Variants in EDN1 observed in about 807,000 individuals in gnomAD.
The protein encoded by EDN1 is endothelin 1.
In EDN1, 11 loss-of-function variants were observed where a neutral mutation model predicts 21.7. The ratio of observed to expected loss-of-function variants is 0.51; its 90% CI spans 0.32 to 0.84. The LOEUF (loss-of-function observed/expected upper bound fraction) is 0.84. Among genes scored for constraint, EDN1 ranks in the 40% least tolerant of loss-of-function variants. The probability of loss-of-function intolerance (pLI) is 0.03; values close to 1 mark genes in which losing one functional copy is unlikely to be tolerated. For missense variants in EDN1, 244 were observed against 262.3 expected, an observed-to-expected ratio of 0.93 and a Z score of 0.48; for synonymous variants, 85 against 90.6, an observed-to-expected ratio of 0.94 and a Z score of 0.35.
At chr6:12,233,819 C>G in the EDN1 span, among the ~76,000 whole-genome samples, 3 of 152,232 alleles carry the variant, frequency 2.0e-5, no homozygotes, top group African/African-American at 7.2e-5. Context: ...CAAGAACACC[C>G]TTCTTCCGCT....
At chr6:12,267,967 A>G in the EDN1 span, among the ~76,000 whole-genome samples, 1 of 152,226 alleles carries the variant, frequency 6.6e-6, no homozygotes, top group African/African-American at 2.4e-5. Flanking sequence ...ACATAAATGG[A>G]ACAACAAAGC....
chr6:12,287,710 TCTCACACACACACA>T (rs1404521448), upstream of EDN1, among the ~76,000 whole-genome samples: 1 of 67,420 alleles, frequency 1.5e-5, no homozygotes, highest in South Asian at 4.9e-4. Flanking sequence ...TCTCTCTCTC[TCTCACACACACACA>T]CACACACACA....
At chr6:12,255,493 G>C in the EDN1 span, among the ~76,000 whole-genome samples, 1 of 152,320 alleles carries the variant, frequency 6.6e-6, no homozygotes, top group East Asian at 1.9e-4. Context: ...TTAAAAGCAG[G>C]AACAAGACCA....
chr6:12,237,538 T>C, the EDN1 span, among the ~76,000 whole-genome samples: 1 of 152,140 alleles, frequency 6.6e-6, no homozygotes, highest in Non-Finnish European at 1.5e-5. Flanking sequence ...GTGAGGGACA[T>C]CAGTAAGCAA....
At chr6:12,266,721 G>A in the EDN1 span, among the ~76,000 whole-genome samples, 1 of 152,180 alleles carries the variant, frequency 6.6e-6, no homozygotes, top group Non-Finnish European at 1.5e-5. Flanking sequence ...CCAGCAAAGA[G>A]ATGTGTGGAA....
At chr6:12,253,727 C>G in the EDN1 span, among the ~76,000 whole-genome samples, 2 of 152,122 alleles carry the variant, frequency 1.3e-5, no homozygotes, top group Non-Finnish European at 2.9e-5. Context: ...TCAACACATT[C>G]AAAGTCCATC....
At chr6:12,236,634 C>T in the EDN1 span, among the ~76,000 whole-genome samples, 18 of 152,094 alleles carry the variant, frequency 1.2e-4, no homozygotes, top group Admixed American at 1.0e-3. Flanking sequence ...TTCATTTTTC[C>T]TAAAATATTT....
At position 12,290,637 on chromosome 6, in the gene EDN1, A is replaced by G; in HGVS notation, c.8A>G (p.Tyr3Cys). MD[Y>C]LLMIFSLLFV... ...TGATCCCTTTTTTTCAGAATGGATT[A>G]TTTGCTCATGATTTTCTCTCTGCTG... The change falls in exon 1 of 5, where the codon TAT becomes TGT. Residue 3 changes from tyrosine (Y) to cysteine (C), a missense_variant. Coordinates refer to ENST00000379375, the MANE Select transcript of EDN1 (RefSeq NM_001955.5). 1.2e-6 allele frequency: 2 copies of G among 1,613,988 alleles called. No individual in the cohort carries two copies. The highest frequency in any genetic ancestry group is 1.7e-6 in the Non-Finnish European group (2 of 1,179,980).
chr6:12,272,452 CTT>C, the EDN1 span, among the ~76,000 whole-genome samples: 29,281 of 104,800 alleles, frequency 0.28, 1,695 homozygotes, highest in Non-Finnish European at 0.33. Context: ...GAGTCATACT[CTT>C]TTTTTTTTTT....
chr6:12,233,364 G>A, the EDN1 span, among the ~76,000 whole-genome samples: 4 of 152,150 alleles, frequency 2.6e-5, no homozygotes, highest in African/African-American at 9.7e-5. Context: ...CAGAATTCTA[G>A]CATTAAAGAG....
chr6:12,271,301 G>A, the EDN1 span, among the ~76,000 whole-genome samples: 4 of 151,826 alleles, frequency 2.6e-5, no homozygotes, highest in Non-Finnish European at 5.9e-5. Flanking sequence ...GTGATTTTCT[G>A]TAGTAATAAA....
chr6:12,289,676 T>G (rs1333221673), upstream of EDN1, among the ~76,000 whole-genome samples: 3 of 152,190 alleles, frequency 2.0e-5, no homozygotes, highest in Admixed American at 6.5e-5. Flanking sequence ...GGGCTTCTCA[T>G]CAGTGATAGG....
chr6:12,294,450 A>G (rs573363002), intron 4 of EDN1, 46 bp downstream of exon 4: 1 of 1,610,722 alleles, frequency 6.2e-7, no homozygotes, highest in Non-Finnish European at 8.5e-7. Flanking sequence ...CACAAGAACA[A>G]CTAGCCCCAG....
the EDN1 span, among the ~76,000 whole-genome samples, chr6:12,278,785 T>A: frequency 6.6e-6 from 1 of 152,000 alleles, no homozygotes; most frequent in Non-Finnish European, 1.5e-5. Flanking sequence ...TAATTCCAGC[T>A]ACTTGGGAGG....
At chr6:12,273,401 T>C in the EDN1 span, among the ~76,000 whole-genome samples, 3 of 152,194 alleles carry the variant, frequency 2.0e-5, no homozygotes, top group Non-Finnish European at 4.4e-5. Flanking sequence ...AGATGCACAG[T>C]GTCTCTCTCA....
chr6:12,262,731 G>A, the EDN1 span, among the ~76,000 whole-genome samples: 1 of 151,950 alleles, frequency 6.6e-6, no homozygotes, highest in African/African-American at 2.4e-5. Flanking sequence ...AATTAGCCGG[G>A]CGTGGTTGTG....
the EDN1 span, among the ~76,000 whole-genome samples, chr6:12,250,898 G>A: frequency 0.017 from 2,650 of 152,234 alleles, 37 homozygotes; most frequent in Middle Eastern, 0.044. Flanking sequence ...ACAACTGGAG[G>A]TTATCCACAC....
At position 12,290,465 on chromosome 6, in the gene EDN1, C is replaced by A; in HGVS notation, c.-165C>A. 1.5e-6 allele frequency: 1 copy of A among 652,460 alleles called. No individual in the cohort carries two copies. The highest frequency in any genetic ancestry group is 2.7e-6 in the Non-Finnish European group (1 of 369,070). 40.4% of individuals were successfully genotyped at this position (652,460 alleles called of 1,614,324 possible). ...GCAGACGCTCCGCTCGCTGCCTTCT[C>A]TCCTGGCAGGCGCTGCCTTTTCTCC... On this transcript the variant is annotated 5_prime_UTR_variant, in exon 1 of 5. Coordinates refer to ENST00000379375, the MANE Select transcript of EDN1 (RefSeq NM_001955.5).
chr6:12,231,432 A>G, the EDN1 span, among the ~76,000 whole-genome samples: 22 of 152,370 alleles, frequency 1.4e-4, 1 homozygote, highest in South Asian at 1.9e-3. Context: ...AAATCCATTC[A>G]AGACACGTTT....
Sources: allele counts gnomAD v4.1 joint callset (sites outside exome capture counted in the v4.1 genomes callset), GRCh38; gene constraint gnomAD v4.1.1; transcripts MANE v1.5; gene names NCBI Gene and HGNC (gene_info 2026-07-23, HGNC 2026-07-21).